Variants in LIPT1 observed in about 807,000 individuals in gnomAD.
The protein encoded by LIPT1 is lipoyltransferase 1.
Under a neutral mutation model 25.1 loss-of-function variants are expected in LIPT1, and 22 were observed. The ratio of observed to expected loss-of-function variants is 0.88; its 90% CI spans 0.63 to 1.25. LIPT1 has a LOEUF of 1.25. Ranked by LOEUF, LIPT1 falls within the 50% of genes most tolerant of loss-of-function variation. The pLI is 0.00. For missense variants in LIPT1, 399 were observed against 432.8 expected (o/e 0.92, Z 0.69); for synonymous variants, 131 against 150.8 (o/e 0.87, Z 0.96).
chr2:99,158,380 G>A (rs1245751331), intron 1 of LIPT1, among the ~76,000 whole-genome samples: 1 of 133,008 alleles, frequency 7.5e-6, no homozygotes, highest in African/African-American at 2.9e-5. Flanking sequence ...GACTGCTTGA[G>A]CCCAGGAGTT....
chr2:99,155,927 G>A (rs1427600082), intron 1 of LIPT1, among the ~76,000 whole-genome samples: 1 of 152,214 alleles, frequency 6.6e-6, no homozygotes, highest in Non-Finnish European at 1.5e-5. Context: ...AAACTTAAGA[G>A]TTGGCTTGTC....
Position 99,162,291 on chromosome 2 carries a change from A to C in LIPT1, c.334A>C (p.Asn112His). Residue 112 changes from asparagine (N) to histidine (H), a missense_variant, in exon 2 of 2, where the codon AAT becomes CAT. By Grantham distance (68) the Asn-to-His change is moderately conservative. Transcript: ENST00000651691. ...AGGAACAGTCTACCATGATATGGGT[A>C]ATATCAATTTGACTTTCTTTACAAC... ...GGGTVYHDMG[N>H]INLTFFTTKK... is the part of the protein sequence containing the mutation. The C allele has an allele frequency of 6.2e-7, 1 of 1,610,716 alleles. No homozygotes were observed. Among genetic ancestry groups the C allele is most frequent in the South Asian group, 1.1e-5 (1 of 91,038 alleles).
In LIPT1 at chr2:99,162,819, T is replaced by C; in HGVS notation, c.862T>C (p.Leu288=). 1.2e-6 allele frequency: 2 copies of C among 1,613,996 alleles called. No homozygotes were observed. The highest frequency in any genetic ancestry group is 1.7e-6 in the Non-Finnish European group (2 of 1,179,854). Reference sequence around the variant, plus strand: ...TAGTATAAATACTTCCTTTCATGTGTTATATGAACAGTCACACTTGGAAAT... The same window carrying C: ...TAGTATAAATACTTCCTTTCATGTGCTATATGAACAGTCACACTTGGAAAT... ...KFSINTSFHV[L]YEQSHLEIKV... The change falls in exon 2 of 2, where the codon TTA becomes CTA. Residue 288 remains leucine, a synonymous_variant. Coordinates refer to ENST00000651691, the MANE Select transcript of LIPT1 (RefSeq NM_145199.3).
chr2:99,162,761 T>C lies in LIPT1; in HGVS notation c.804T>C (p.Thr268=). The C allele has an allele frequency of 6.2e-7, 1 of 1,614,162 alleles. No individual in the cohort carries two copies. Among genetic ancestry groups the C allele is most frequent in the South Asian group, 1.1e-5 (1 of 91,086 alleles). Residue 268 remains threonine, a synonymous_variant, in exon 2 of 2, where the codon ACT becomes ACC. Transcript: ENST00000651691. ...GINSKAKELQ[T]WEWIYGKTPK... Reference sequence around the variant, plus strand: ...ATAGCAAAGCCAAAGAACTGCAAACTTGGGAGTGGATATATGGCAAAACTC... The same window carrying C: ...ATAGCAAAGCCAAAGAACTGCAAACCTGGGAGTGGATATATGGCAAAACTC...
chr2:99,155,479 C>A (rs1446550051), intron 1 of LIPT1: 4 of 455,938 alleles, frequency 8.8e-6, no homozygotes, highest in African/African-American at 8.0e-5. Context: ...TTTTCGCTTT[C>A]AGTTCAGTGA....
rs750218625 is a variant in LIPT1, at chr2:99,155,047, C to T, written c.-6C>T. 7 of 455,738 alleles carry T rather than the reference C, an allele frequency of 1.5e-5. No individual in the cohort carries two copies. The highest frequency in any genetic ancestry group is 9.3e-5 in the South Asian group (6 of 64,518). 28.2% of individuals were successfully genotyped at this position (455,738 alleles called of 1,614,324 possible). ...CGAGGCCGTGGGTACGACCGGAAGC[C>T]GCAGGTGGGTGAAGCGGAAACGCTT... On this transcript the variant is annotated 5_prime_UTR_variant, in exon 1 of 2. Coordinates refer to ENST00000651691, the MANE Select transcript of LIPT1 (RefSeq NM_145199.3).
chr2:99,162,118 A>G lies in LIPT1; in HGVS notation c.161A>G (p.His54Arg). The change falls in exon 2 of 2, where the codon CAT (histidine) becomes CGT (arginine). Residue 54 changes from histidine (H) to arginine (R), a missense_variant. Coordinates refer to ENST00000651691, the MANE Select transcript of LIPT1 (RefSeq NM_145199.3). ...NLAVEDWIHD[H>R]MNLEGKPILF... The stretch of plus-strand genomic sequence containing the variant: ...GCTGTGGAAGACTGGATCCATGACC[A>G]TATGAATCTAGAAGGCAAACCAATT... 6.2e-7 allele frequency: 1 copy of G among 1,614,174 alleles called. No homozygotes were observed. The highest frequency in any genetic ancestry group is 1.6e-4 in the Middle Eastern group (1 of 6,062).
At chr2:99,157,765 T>C (rs1291917970) in intron 1 of LIPT1, among the ~76,000 whole-genome samples, 1 of 152,228 alleles carries the variant, frequency 6.6e-6, no homozygotes, top group African/African-American at 2.4e-5. Context: ...TGCTCTTCAG[T>C]CTTATGTCGC....
chr2:99,161,734 GTGAAATTATTTCAAC>G (rs2093794462), intron 1 of LIPT1: 1 of 454,924 alleles, frequency 2.2e-6, no homozygotes, highest in East Asian at 3.4e-5. Context: ...TTTGAAAACT[GTGAAATTATTTCAAC>G]TGAAATTATT....
intron 1 of LIPT1, among the ~76,000 whole-genome samples, chr2:99,155,757 C>G (rs2093745485): frequency 6.6e-6 from 1 of 152,208 alleles, no homozygotes; most frequent in African/African-American, 2.4e-5. Flanking sequence ...GAGGGGCACA[C>G]CTGTGCCAGA....
At chr2:99,155,181 A>G in intron 1 of LIPT1, 130 bp downstream of exon 1, 2 of 411,988 alleles carry the variant, frequency 4.9e-6, no homozygotes, top group Non-Finnish European at 9.8e-6. Context: ...GCCGGTGTTG[A>G]AGCCTCTTGT....
chr2:99,156,143 C>A (rs955722795), intron 1 of LIPT1, among the ~76,000 whole-genome samples: 1 of 152,204 alleles, frequency 6.6e-6, no homozygotes, highest in African/African-American at 2.4e-5. Flanking sequence ...TATTGGTTTA[C>A]GTGTTCAGGT....
At chr2:99,161,291 A>AATATATATATATATATATATAT (rs1559169848) in intron 1 of LIPT1, 2 of 21,808 alleles carry the variant, frequency 9.2e-5, no homozygotes, top group African/African-American at 1.8e-4. Context: ...AAAAAAAAAA[A>AATATATATATATATATATATAT]ATATATATAT....
chr2:99,155,107 G>T, intron 1 of LIPT1, 56 bp downstream of exon 1: 2 of 453,064 alleles, frequency 4.4e-6, no homozygotes, highest in Non-Finnish European at 8.9e-6. Flanking sequence ...GCGCGTGGGC[G>T]GCCGTGGGGT....
chr2:99,162,741 A>G lies in LIPT1; in HGVS notation c.784A>G (p.Lys262Glu), dbSNP rs751950506. 2.8e-5 allele frequency: 46 copies of G among 1,614,208 alleles called. 1 individual carries two copies. The highest frequency in any genetic ancestry group is 6.7e-5 in the East Asian group (3 of 44,886). Residue 262 changes from lysine to glutamate, a missense_variant, in exon 2 of 2, where the codon AAA becomes GAA. Transcript: ENST00000651691. ...DETLFPGINSKAKELQTWEWI... is the reference protein window; with the variant it reads ...DETLFPGINSEAKELQTWEWI... ...GACACTGTTTCCTGGAATAAATAGC[A>G]AAGCCAAAGAACTGCAAACTTGGGA...
chr2:99,160,379 TTAAAAA>T (rs929611211), intron 1 of LIPT1, among the ~76,000 whole-genome samples: 12 of 152,274 alleles, frequency 7.9e-5, no homozygotes, highest in Admixed American at 5.9e-4. Flanking sequence ...ATACCCTGTC[TTAAAAA>T]TAAAAAATAA....
rs200526274 is a variant in LIPT1, at chr2:99,162,906, C to G, written c.949C>G (p.His317Asp). ...AATTTGTAATATTGAAGCACCTGAT[C>G]ATTGGTTGCCATTGGAAATACGTGA... The part of the protein sequence containing the change: ...IEICNIEAPD[H>D]WLPLEIRDKL... Residue 317 changes from histidine (H) to aspartate (D), a missense_variant, in exon 2 of 2, where the codon CAT becomes GAT. His to Asp is a moderately conservative substitution (Grantham distance 81). Coordinates refer to ENST00000651691, the MANE Select transcript of LIPT1 (RefSeq NM_145199.3). 149 of 1,613,232 alleles carry G rather than the reference C, an allele frequency of 9.2e-5. No individual in the cohort carries two copies. The highest frequency in any genetic ancestry group is 1.2e-4 in the Non-Finnish European group (140 of 1,179,734).
chr2:99,156,539 C>CGGGA, intron 1 of LIPT1: 1 of 152,304 alleles, frequency 6.6e-6, no homozygotes, highest in East Asian at 1.9e-4. Context: ...GCTGGGATTA[C>CGGGA]AGGTGTGAAC....
intron 1 of LIPT1, among the ~76,000 whole-genome samples, chr2:99,161,167 G>A (rs749477225): frequency 3.5e-5 from 5 of 144,306 alleles, no homozygotes; most frequent in Admixed American, 1.4e-4. Flanking sequence ...TAGGAGAATC[G>A]CCTGAACCTG....
Sources: allele counts gnomAD v4.1 joint callset (sites outside exome capture counted in the v4.1 genomes callset), GRCh38; gene constraint gnomAD v4.1.1; transcripts MANE v1.5; gene names NCBI Gene and HGNC (gene_info 2026-07-23, HGNC 2026-07-21).